Variants in TMEM177 observed in about 807,000 individuals in gnomAD.
The protein encoded by TMEM177 is transmembrane protein 177.
A neutral mutation model predicts 14.2 loss-of-function variants in TMEM177; 4 were observed. That is an observed-to-expected ratio of 0.28 (90% CI 0.14 to 0.64). TMEM177 has a LOEUF of 0.64. Ranked by LOEUF, TMEM177 falls within the 30% of genes least tolerant of loss-of-function variation. The pLI is 0.82. For missense variants in TMEM177, 344 were observed against 405.2 expected, an observed-to-expected ratio of 0.85 and a Z score of 1.30; for synonymous variants, 179 against 174.5, an observed-to-expected ratio of 1.03 and a Z score of -0.20.
chr2:119,682,245 C>A, downstream of TMEM177: 1 of 157,016 alleles, frequency 6.4e-6, no homozygotes. Flanking sequence ...CTCAGGCTCT[C>A]AAAGTGCTGG....
chr2:119,708,662 CACACACACACACAT>C, the TMEM177 span, among the ~76,000 whole-genome samples: 1 of 151,150 alleles, frequency 6.6e-6, no homozygotes, highest in Non-Finnish European at 1.5e-5. Flanking sequence ...CACACACACA[CACACACACACACAT>C]ACACACACAC....
chr2:119,702,636 A>C, the TMEM177 span, among the ~76,000 whole-genome samples: 1 of 152,212 alleles, frequency 6.6e-6, no homozygotes, highest in Non-Finnish European at 1.5e-5. Flanking sequence ...TTAATGCAAA[A>C]TAAAGTTACT....
chr2:119,712,129 C>T, the TMEM177 span, among the ~76,000 whole-genome samples: 2 of 152,042 alleles, frequency 1.3e-5, no homozygotes, highest in African/African-American at 2.4e-5. Flanking sequence ...CCCCTTGATG[C>T]GGCTTCCTAG....
Position 119,681,616 on chromosome 2 carries a change from T to A in TMEM177, c.763T>A (p.Ser255Thr). ...GGVEFYEKLL[S>T]GNLALRSLLG... ...AGTGGAGTTCTATGAGAAGCTTCTG[T>A]CGGGCAACCTGGCCCTGCGCAGTCT... Residue 255 changes from serine to threonine, a missense_variant, in exon 2 of 2, where the codon TCG (serine) becomes ACG (threonine). Ser to Thr is a moderately conservative substitution (Grantham distance 58, BLOSUM62 1). Coordinates refer to ENST00000272521, the MANE Select transcript of TMEM177 (RefSeq NM_030577.3). 1.2e-6 allele frequency: 2 copies of A among 1,614,206 alleles called. No homozygotes were observed. Among genetic ancestry groups the A allele is most frequent in the Non-Finnish European group, 1.7e-6 (2 of 1,180,038 alleles).
chr2:119,695,761 TA>T, the TMEM177 span, among the ~76,000 whole-genome samples: 2 of 152,318 alleles, frequency 1.3e-5, no homozygotes, highest in East Asian at 3.9e-4. Context: ...CCTGGGGTGG[TA>T]AATTGTACAC....
rs1688922733 is a variant in TMEM177, at chr2:119,682,083, A to G, written c.*294A>G. On this transcript the variant is annotated 3_prime_UTR_variant, in exon 2 of 2. Transcript: ENST00000272521. ...GGTCATGAACATAAGGGCCTGGCAC[A>G]AAGGGTGCACTGTAAATAAACAGAC... is the stretch of plus-strand genomic sequence containing the variant. The G allele has an allele frequency of 8.6e-6, 3 of 349,586 alleles. No homozygotes were observed. The highest frequency in any genetic ancestry group is 1.6e-5 in the Non-Finnish European group (3 of 184,250). The allele number at this position is 349,586 out of a possible 1,614,324, so 21.7% of individuals were successfully genotyped here. A position where few individuals can be genotyped will look rare whatever the true frequency, so the allele number is the denominator to read the frequency against.
chr2:119,703,952 T>TC, the TMEM177 span, among the ~76,000 whole-genome samples: 1 of 152,230 alleles, frequency 6.6e-6, no homozygotes, highest in Admixed American at 6.5e-5. Flanking sequence ...AAATAGCCCT[T>TC]CATCTGAAGC....
the TMEM177 span, among the ~76,000 whole-genome samples, chr2:119,719,831 T>C: frequency 6.6e-6 from 1 of 152,152 alleles, no homozygotes; most frequent in Non-Finnish European, 1.5e-5. Context: ...TCTCACTCTG[T>C]CACCCAGGCT....
At chr2:119,694,291 CA>C in the TMEM177 span, among the ~76,000 whole-genome samples, 1 of 150,918 alleles carries the variant, frequency 6.6e-6, no homozygotes, top group South Asian at 2.1e-4. Context: ...CACACACACA[CA>C]CACACACACA....
chr2:119,685,569 C>A, downstream of TMEM177: 1 of 700,822 alleles, frequency 1.4e-6, no homozygotes, highest in South Asian at 1.5e-5. Flanking sequence ...TATTATCCTC[C>A]AGACACTGTG....
chr2:119,681,863 G>A lies in TMEM177; in HGVS notation c.*74G>A. The A allele has an allele frequency of 1.4e-6, 2 of 1,458,548 alleles. No individual in the cohort carries two copies. Among genetic ancestry groups the A allele is most frequent in the Non-Finnish European group, 1.9e-6 (2 of 1,063,366 alleles). 90.4% of individuals were successfully genotyped at this position (1,458,548 alleles called of 1,614,324 possible). On this transcript the variant is annotated 3_prime_UTR_variant, in exon 2 of 2. Coordinates refer to ENST00000272521, the MANE Select transcript of TMEM177 (RefSeq NM_030577.3). ...ATTGAGTCTGGAGGGCCCTGTTGGA[G>A]CCTTTGGACCTATAGCTCACGGCCA...
the TMEM177 span, among the ~76,000 whole-genome samples, chr2:119,707,688 A>G: frequency 6.6e-6 from 1 of 152,236 alleles, no homozygotes; most frequent in Non-Finnish European, 1.5e-5. Context: ...ACTATGCTTC[A>G]GGGTAGAGAT....
At chr2:119,714,083 G>C in the TMEM177 span, among the ~76,000 whole-genome samples, 1 of 152,218 alleles carries the variant, frequency 6.6e-6, no homozygotes, top group Non-Finnish European at 1.5e-5. Context: ...AGGGCCTTGT[G>C]TGCCATGTTG....
chr2:119,699,897 A>G, the TMEM177 span: 1 of 455,474 alleles, frequency 2.2e-6, no homozygotes, highest in Non-Finnish European at 4.4e-6. Context: ...TTAAAAATGC[A>G]GAGAGCAATG....
downstream of TMEM177, among the ~76,000 whole-genome samples, chr2:119,687,288 G>A (rs550440696): frequency 9.2e-5 from 14 of 152,258 alleles, no homozygotes; most frequent in South Asian, 4.1e-4. Context: ...ACCAAGAACC[G>A]TGTGAGCCTG....
chr2:119,722,705 A>G, the TMEM177 span, among the ~76,000 whole-genome samples: 1 of 152,270 alleles, frequency 6.6e-6, no homozygotes, highest in Non-Finnish European at 1.5e-5. Flanking sequence ...TTGACACATC[A>G]TAGGCACACA....
chr2:119,695,305 A>C, the TMEM177 span, among the ~76,000 whole-genome samples: 2 of 152,166 alleles, frequency 1.3e-5, no homozygotes, highest in Non-Finnish European at 2.9e-5. Flanking sequence ...CAATGCACAG[A>C]TGTAAGGAGC....
In TMEM177 at chr2:119,680,955, C is replaced by T; in HGVS notation, c.102C>T (p.Tyr34=). The T allele has an allele frequency of 6.2e-7, 1 of 1,614,212 alleles. No homozygotes were observed. Residue 34 remains tyrosine, a synonymous_variant, in exon 2 of 2, where the codon TAC becomes TAT. Transcript: ENST00000272521. ...GCCTGTTTGGAGTTCCAATCTCGTA[C>T]CACCTCTTCCCGGATCCCGTGGTCC... is the stretch of plus-strand genomic sequence containing the variant. ...CAGLFGVPIS[Y]HLFPDPVVQW... is the part of the protein sequence containing the mutation.
At chr2:119,689,500 T>C (rs1689064145), downstream of TMEM177, among the ~76,000 whole-genome samples, 1 of 152,218 alleles carries the variant, frequency 6.6e-6, no homozygotes, top group Non-Finnish European at 1.5e-5. Context: ...CAAACACTTA[T>C]TTAACACTTA....
Sources: gnomAD v4.1 joint callset for allele counts (sites outside exome capture counted in the v4.1 genomes callset) on GRCh38, gnomAD v4.1.1 for gene constraint, MANE v1.5 for transcripts, NCBI Gene and HGNC (gene_info 2026-07-23, HGNC 2026-07-21) for gene names.